UVRAG: variants seen among roughly 807,000 people sequenced by gnomAD.
UVRAG encodes UV radiation resistance associated.
Under a neutral mutation model 78.0 loss-of-function variants are expected in UVRAG, and 19 were observed. The ratio of observed to expected loss-of-function variants is 0.24; its 90% CI spans 0.17 to 0.36. The LOEUF is 0.36. Among genes scored for constraint, UVRAG ranks in the 10% least tolerant of loss-of-function variants. The pLI is 1.00. For missense variants in UVRAG, 740 were observed against 853.8 expected, an observed-to-expected ratio of 0.87 and a Z score of 1.66; for synonymous variants, 323 against 324.6, an observed-to-expected ratio of 1.00 and a Z score of 0.05.
At chr11:76,079,890 C>T (rs1591212113) in intron 13 of UVRAG, among the ~76,000 whole-genome samples, 1 of 152,106 alleles carries the variant, frequency 6.6e-6, no homozygotes, top group Admixed American at 6.5e-5. Context: ...TGCCTTCATT[C>T]GTTTTCTGCT....
intron 12 of UVRAG, among the ~76,000 whole-genome samples, chr11:76,047,784 A>G (rs538176706): frequency 6.6e-6 from 1 of 152,216 alleles, no homozygotes; most frequent in African/African-American, 2.4e-5. Flanking sequence ...TTTCACAACT[A>G]TAAAATATTT....
chr11:75,963,223 T>G (rs1182979775), intron 7 of UVRAG, among the ~76,000 whole-genome samples: 1 of 152,232 alleles, frequency 6.6e-6, no homozygotes, highest in African/African-American at 2.4e-5. Context: ...TCTCTTTTTT[T>G]ACATTGGTGT....
At chr11:76,057,869 G>C (rs1344235898) in intron 12 of UVRAG, among the ~76,000 whole-genome samples, 6 of 152,182 alleles carry the variant, frequency 3.9e-5, no homozygotes, top group African/African-American at 1.4e-4. Context: ...GGGGCAGCTT[G>C]CATGCTGCTG....
rs377457433 is a variant in UVRAG, at chr11:76,053,308, AACACACACACAC to A, written c.1227-12378_1227-12367del. On this transcript the variant is annotated intron_variant, in intron 12 of 14. Coordinates refer to ENST00000356136, the MANE Select transcript of UVRAG (RefSeq NM_003369.4). ...GCAACAGAGTGAGACTCTGTCTCAAAACACACACACACACACACACACACACACACACACAAA... is the reference window on the plus strand; with the variant it reads ...GCAACAGAGTGAGACTCTGTCTCAAAACACACACACACACACACACACAAA... 1.6e-4 allele frequency among the ~76,000 whole-genome samples: 23 copies of A among 140,776 alleles called. No homozygotes were observed. In the South Asian group the frequency reaches 1.8e-3, roughly 11 times the overall value. 92.4% of individuals were successfully genotyped at this position (140,776 alleles called of 152,430 possible).
At position 76,141,156 on chromosome 11, in the gene UVRAG, G is replaced by T. The variant is rs776526027; in HGVS notation, c.1843G>T (p.Gly615Cys). 6.2e-7 allele frequency: 1 copy of T among 1,614,166 alleles called. No homozygotes were observed. The highest frequency in any genetic ancestry group is 8.5e-7 in the Non-Finnish European group (1 of 1,180,042). The change falls in exon 15 of 15, where the codon GGC becomes TGC. Residue 615 changes from glycine (G) to cysteine (C), a missense_variant. Gly to Cys is a radical substitution (Grantham distance 159). Coordinates refer to ENST00000356136, the MANE Select transcript of UVRAG (RefSeq NM_003369.4). Reference protein sequence around the residue: ...QAGSASVQLPGEFHPVSEAEL... With the variant: ...QAGSASVQLPCEFHPVSEAEL... Reference sequence around the variant, plus strand: ...CGGGTCCGCCAGTGTCCAGCTTCCAGGCGAGTTCCACCCAGTCTCAGAAGC... The same window carrying T: ...CGGGTCCGCCAGTGTCCAGCTTCCATGCGAGTTCCACCCAGTCTCAGAAGC...
rs74511418 is a variant in UVRAG at position 76,052,158 on chromosome 11, T to C, written c.1227-13552T>C. 9.5e-3 allele frequency among the ~76,000 whole-genome samples: 1,449 copies of C among 152,326 alleles called. 24 individuals are homozygous for C. The highest frequency in any genetic ancestry group is 0.033 in the African/African-American group (1,378 of 41,560). ...CACTATCTGTCTAACCCACTGGACT[T>C]TAACCTCATGTTTGTGTTTGCCCAG... is the stretch of plus-strand genomic sequence containing the variant. On this transcript the variant is annotated intron_variant, in intron 12 of 14. Transcript: ENST00000356136.
At chr11:76,002,787 TTG>T (rs1261115100) in intron 8 of UVRAG, among the ~76,000 whole-genome samples, 1 of 152,132 alleles carries the variant, frequency 6.6e-6, no homozygotes, top group Admixed American at 6.5e-5. Flanking sequence ...CTTAAATATG[TTG>T]GGAAGGCCGG....
At chr11:76,061,912 G>T (rs1951102550) in intron 12 of UVRAG, among the ~76,000 whole-genome samples, 1 of 152,140 alleles carries the variant, frequency 6.6e-6, no homozygotes, top group Non-Finnish European at 1.5e-5. Context: ...GAGTCCAGTG[G>T]ATCATCCAGT....
chr11:76,130,151 C>A (rs1952487196), intron 14 of UVRAG, among the ~76,000 whole-genome samples: 1 of 152,186 alleles, frequency 6.6e-6, no homozygotes, highest in Non-Finnish European at 1.5e-5. Flanking sequence ...AGATACTCTT[C>A]CCCACCAACC....
In UVRAG at chr11:76,141,528, C is replaced by A; in HGVS notation, c.*115C>A. The A allele has an allele frequency of 9.1e-7, 1 of 1,096,044 alleles. No homozygotes were observed. Among genetic ancestry groups the A allele is most frequent in the Non-Finnish European group, 1.3e-6 (1 of 783,502 alleles). 67.9% of individuals were successfully genotyped at this position (1,096,044 alleles called of 1,614,324 possible). A position where few individuals can be genotyped will look rare whatever the true frequency, so the allele number is the denominator to read the frequency against. ...AAAATGAATATTAATGGAGGATATT[C>A]CTCGGAAAAACAGACTTTGGGAATG... On this transcript the variant is annotated 3_prime_UTR_variant, in exon 15 of 15. Coordinates refer to ENST00000356136, the MANE Select transcript of UVRAG (RefSeq NM_003369.4).
At chr11:75,920,048 C>T (rs113095502) in intron 6 of UVRAG, among the ~76,000 whole-genome samples, 35 of 70,314 alleles carry the variant, frequency 5.0e-4, no homozygotes, top group African/African-American at 2.0e-3. Flanking sequence ...TTTTTTGGGA[C>T]GAAGTCTCGC....
Position 76,031,077 on chromosome 11 carries a change from A to G in UVRAG, c.1226+14097A>G, listed in dbSNP as rs186624366. On this transcript the variant is annotated intron_variant, in intron 12 of 14. Coordinates refer to ENST00000356136, the MANE Select transcript of UVRAG (RefSeq NM_003369.4). Reference sequence around the variant, plus strand: ...AGTAAAAGGAACATTCAGTTTTTGCAAATTCTATTAGGTAATCTGACACTC... The same window carrying G: ...AGTAAAAGGAACATTCAGTTTTTGCGAATTCTATTAGGTAATCTGACACTC... Among the ~76,000 whole-genome samples, 446 of 152,224 alleles carry G rather than the reference A, an allele frequency of 2.9e-3. 5 individuals carry two copies. Among genetic ancestry groups the G allele is most frequent in the African/African-American group, 0.01 (423 of 41,556 alleles).
At chr11:76,114,943 CAG>C (rs1271658508) in intron 13 of UVRAG, among the ~76,000 whole-genome samples, 2 of 152,186 alleles carry the variant, frequency 1.3e-5, no homozygotes, top group Non-Finnish European at 2.9e-5. Context: ...CATTTGTACA[CAG>C]ACATACATTT....
chr11:76,111,958 G>GAA (rs567913093), intron 13 of UVRAG, among the ~76,000 whole-genome samples: 19 of 141,390 alleles, frequency 1.3e-4, no homozygotes, highest in African/African-American at 4.5e-4. Flanking sequence ...AGGGTAAAGT[G>GAA]AAAAAAAAAA....
intron 6 of UVRAG, among the ~76,000 whole-genome samples, chr11:75,928,939 CAAAAAA>C (rs368913080): frequency 6.5e-4 from 44 of 67,478 alleles, no homozygotes; most frequent in African/African-American, 3.0e-3. Flanking sequence ...GAGACTGTCT[CAAAAAA>C]AAAAAAAAAA....
intron 13 of UVRAG, among the ~76,000 whole-genome samples, chr11:76,107,216 T>G (rs2134453269): frequency 6.6e-6 from 1 of 152,278 alleles, no homozygotes; most frequent in East Asian, 1.9e-4. Flanking sequence ...AATGGTAAAT[T>G]TAACTCAGAT....
At chr11:75,905,685 C>G (rs1485411096) in intron 5 of UVRAG, among the ~76,000 whole-genome samples, 3 of 152,154 alleles carry the variant, frequency 2.0e-5, no homozygotes, top group African/African-American at 7.2e-5. Context: ...CACACACACA[C>G]ACATTTTGTT....
rs1207524649 is a variant in UVRAG, at chr11:76,144,020, A to AT, written c.*2614dup. Among the ~76,000 whole-genome samples the AT allele has an allele frequency of 1.3e-5, 2 of 152,020 alleles. No homozygotes were observed. The highest frequency in any genetic ancestry group is 2.9e-5 in the Non-Finnish European group (2 of 68,004). ...CTTAACCACTTTAGAAATTCCAGAG[A>AT]TTTTTTTCCCCTCAGAATATTAGTT... On this transcript the variant is annotated 3_prime_UTR_variant, in exon 15 of 15. Coordinates refer to ENST00000356136, the MANE Select transcript of UVRAG (RefSeq NM_003369.4).
At chr11:75,973,293 G>A (rs1039008172) in intron 7 of UVRAG, among the ~76,000 whole-genome samples, 2 of 152,112 alleles carry the variant, frequency 1.3e-5, no homozygotes, top group African/African-American at 2.4e-5. Flanking sequence ...CTATCAATAT[G>A]TATGATCATA....
Sources: gnomAD v4.1 joint callset for allele counts (sites outside exome capture counted in the v4.1 genomes callset) on GRCh38, gnomAD v4.1.1 for gene constraint, MANE v1.5 for transcripts, NCBI Gene and HGNC (gene_info 2026-07-23, HGNC 2026-07-21) for gene names.